Variants in CEP112 observed in about 807,000 individuals in gnomAD.
CEP112 encodes the protein centrosomal protein of 112 kDa.
CEP112 carries 127 observed loss-of-function variants against 153.0 expected under a neutral mutation model. The observed-to-expected ratio is 0.83, with a 90% CI of 0.72 to 0.96. CEP112 has a LOEUF of 0.96. CEP112 is among the 40% of genes least tolerant of loss of function. The probability of loss-of-function intolerance (pLI) is 0.00; values close to 1 mark genes in which losing one functional copy is unlikely to be tolerated. For missense variants in CEP112, 1,089 were observed against 1,101.2 expected (o/e 0.99, Z 0.16); for synonymous variants, 358 against 374.4 (o/e 0.96, Z 0.51).
intron 17 of CEP112, among the ~76,000 whole-genome samples, chr17:65,970,823 G>C (rs975813650): frequency 6.6e-6 from 1 of 152,176 alleles, no homozygotes; most frequent in African/African-American, 2.4e-5. Context: ...CATGTATATT[G>C]CATGCATGCA....
chr17:65,674,489 C>T (rs2047133748), intron 24 of CEP112, among the ~76,000 whole-genome samples: 1 of 152,158 alleles, frequency 6.6e-6, no homozygotes, highest in African/African-American at 2.4e-5. Context: ...TTAACAGTTT[C>T]ACACACAAAA....
chr17:65,841,738 T>C (rs553032606), intron 21 of CEP112, among the ~76,000 whole-genome samples: 1 of 152,160 alleles, frequency 6.6e-6, no homozygotes, highest in Admixed American at 6.5e-5. Context: ...TGCAAGAATG[T>C]ATAAAAATCT....
intron 19 of CEP112, among the ~76,000 whole-genome samples, chr17:65,923,526 C>A (rs979336131): frequency 1.3e-5 from 2 of 152,100 alleles, no homozygotes; most frequent in Non-Finnish European, 2.9e-5. Context: ...GCCTGGGAGA[C>A]AGAGCAAGAC....
chr17:66,102,927 C>T (rs1451271882), intron 6 of CEP112, among the ~76,000 whole-genome samples: 2 of 149,676 alleles, frequency 1.3e-5, no homozygotes, highest in Non-Finnish European at 3.0e-5. Flanking sequence ...GAAAAAACTA[C>T]AAGTATGAAA....
chr17:65,941,791 T>G (rs1345313196), intron 18 of CEP112, among the ~76,000 whole-genome samples: 2 of 53,282 alleles, frequency 3.8e-5, no homozygotes, highest in African/African-American at 4.7e-5. Flanking sequence ...TGTTTTGTTG[T>G]TTTTTTTTTG....
intron 23 of CEP112, among the ~76,000 whole-genome samples, chr17:65,732,894 T>C (rs138595366): frequency 8.9e-4 from 135 of 152,346 alleles, no homozygotes; most frequent in African/African-American, 3.1e-3. Context: ...TTTCTCCATA[T>C]CACCACAAAG....
chr17:66,103,168 T>G (rs1473653980), intron 6 of CEP112, among the ~76,000 whole-genome samples: 1 of 151,104 alleles, frequency 6.6e-6, no homozygotes, highest in African/African-American at 2.4e-5. Flanking sequence ...AAGGTTGCAG[T>G]GGGCCGAGAT....
At chr17:65,644,913 A>C (rs972419081) in intron 24 of CEP112, among the ~76,000 whole-genome samples, 1 of 152,066 alleles carries the variant, frequency 6.6e-6, no homozygotes, top group African/African-American at 2.4e-5. Flanking sequence ...GATTTTTTTC[A>C]TGTTGAATAT....
intron 12 of CEP112, among the ~76,000 whole-genome samples, chr17:66,039,022 T>G (rs2065863158): frequency 6.6e-6 from 1 of 151,982 alleles, no homozygotes; most frequent in Non-Finnish European, 1.5e-5. Context: ...AGAGGTAAAA[T>G]GGATGATTCT....
intron 23 of CEP112, among the ~76,000 whole-genome samples, chr17:65,712,107 T>G (rs1026079676): frequency 1.8e-4 from 27 of 152,166 alleles, no homozygotes; most frequent in Admixed American, 1.8e-3. Flanking sequence ...CAGAGGGCAC[T>G]GCCACCCTCA....
chr17:65,912,351 T>C (rs945532407), intron 19 of CEP112, among the ~76,000 whole-genome samples: 2 of 152,154 alleles, frequency 1.3e-5, no homozygotes, highest in Non-Finnish European at 1.5e-5. Context: ...CCAACTTTCC[T>C]GTTGAAAGGA....
At chr17:65,907,664 G>C (rs1294967494) in intron 19 of CEP112, among the ~76,000 whole-genome samples, 2 of 152,210 alleles carry the variant, frequency 1.3e-5, no homozygotes, top group Admixed American at 6.5e-5. Context: ...GTAGGGTCCA[G>C]AGGAGAAACC....
intron 8 of CEP112, among the ~76,000 whole-genome samples, chr17:66,072,324 C>T (rs1387369622): frequency 6.6e-6 from 1 of 152,144 alleles, no homozygotes; most frequent in Admixed American, 6.6e-5. Flanking sequence ...ACAGTTTATA[C>T]TCAAGTTTTA....
chr17:65,792,992 G>A (rs2054682440), intron 21 of CEP112, among the ~76,000 whole-genome samples: 1 of 152,216 alleles, frequency 6.6e-6, no homozygotes, highest in South Asian at 2.1e-4. Flanking sequence ...TGGGCACTGA[G>A]GATGTAGCCA....
intron 24 of CEP112, among the ~76,000 whole-genome samples, chr17:65,677,630 C>A (rs9909550): frequency 0.023 from 3,511 of 152,166 alleles, 114 homozygotes; most frequent in African/African-American, 0.08. Context: ...ATCTCTACTT[C>A]GGCTGGGTGT....
At chr17:65,789,347 TG>T (rs202070233) in intron 21 of CEP112, among the ~76,000 whole-genome samples, 1,909 of 152,328 alleles carry the variant, frequency 0.013, 33 homozygotes, top group African/African-American at 0.043. Flanking sequence ...ATTTCATTTT[TG>T]CTGTCTGATA....
chr17:66,031,309 T>G (rs2065454717), intron 12 of CEP112, among the ~76,000 whole-genome samples: 2 of 151,148 alleles, frequency 1.3e-5, no homozygotes, highest in African/African-American at 2.4e-5. Flanking sequence ...TTTGTATTCC[T>G]TCGTCTCTTG....
At position 65,902,277 on chromosome 17, in the gene CEP112, T is replaced by C. The variant is rs1241945146; in HGVS notation, c.2038A>G (p.Asn680Asp). 6.2e-7 allele frequency: 1 copy of C among 1,613,902 alleles called. No individual in the cohort carries two copies. The highest frequency in any genetic ancestry group is 1.3e-5 in the African/African-American group (1 of 74,906). The change falls in exon 20 of 27, where the codon AAC (asparagine) becomes GAC (aspartate). Residue 680 changes from asparagine (N) to aspartate (D), a missense_variant. Physicochemically the swap from Asn to Asp is conservative, Grantham distance 23 (BLOSUM62 1). Transcript: ENST00000535342. ...CGGACTAGGCTATCCTTCTCTGCGT[T>C]ATGCTGCTGTAATAGGTGCGTCTTC... ...QEKTHLLQQH[N>D]AEKDSLVRDH...
At chr17:65,772,238 A>C (rs1410602604) in intron 21 of CEP112, among the ~76,000 whole-genome samples, 1 of 152,158 alleles carries the variant, frequency 6.6e-6, no homozygotes, top group Non-Finnish European at 1.5e-5. Context: ...TAAGCAAAAG[A>C]AAGAAAATAA....
Sources: allele counts gnomAD v4.1 joint callset (sites outside exome capture counted in the v4.1 genomes callset), GRCh38; gene constraint gnomAD v4.1.1; transcripts MANE v1.5; gene names NCBI Gene and HGNC (gene_info 2026-07-23, HGNC 2026-07-21).